The following BNC1 variants were observed in gnomAD, a reference collection of about 807,000 sequenced individuals.
BNC1 encodes the protein basonuclin zinc finger protein 1.
In BNC1, 8 loss-of-function variants were observed where a neutral mutation model predicts 66.5. That is an observed-to-expected ratio of 0.12 (90% CI 0.07 to 0.22). The LOEUF is 0.22. Among genes scored for constraint, BNC1 ranks in the 10% least tolerant of loss-of-function variants. The probability of loss-of-function intolerance (pLI) is 1.00; values close to 1 mark genes in which losing one functional copy is unlikely to be tolerated. For synonymous variants in BNC1, 454 were observed against 452.6 expected, an observed-to-expected ratio of 1.00 and a Z score of -0.04; for missense variants, 1,069 against 1,241.3, an observed-to-expected ratio of 0.86 and a Z score of 2.09.
chr15:83,278,086 G>C (rs576247740), intron 1 of BNC1, among the ~76,000 whole-genome samples: 3 of 152,272 alleles, frequency 2.0e-5, no homozygotes, highest in African/African-American at 7.2e-5. Context: ...AGGACAACCG[G>C]GAAGAAGAGA....
Position 83,257,761 on chromosome 15 carries a change from T to C in BNC1, c.2666A>G (p.Asp889Gly). 6.2e-7 allele frequency: 1 copy of C among 1,614,082 alleles called. No individual in the cohort carries two copies. The highest frequency in any genetic ancestry group is 8.5e-7 in the Non-Finnish European group (1 of 1,180,002). Residue 889 changes from aspartate (D) to glycine (G), a missense_variant, in exon 5 of 5, where the codon GAC becomes GGC. Physicochemically the swap from Asp to Gly is moderately conservative, Grantham distance 94 (BLOSUM62 -1). Transcript: ENST00000345382. ...VSEEGTVLMEDSDGNCEGSSL... is the reference protein window; with the variant it reads ...VSEEGTVLMEGSDGNCEGSSL... ...CGACCCTTCACAGTTCCCATCACTG[T>C]CCTCCATAAGCACAGTGCCTTCCTC...
chr15:83,259,778 C>G (rs1169260155), intron 4 of BNC1, among the ~76,000 whole-genome samples: 1 of 152,178 alleles, frequency 6.6e-6, no homozygotes, highest in Non-Finnish European at 1.5e-5. Context: ...TAATGGCTAA[C>G]TTGTGGGCTC....
In BNC1 at chr15:83,264,170, C is replaced by T; in HGVS notation, c.1081G>A (p.Ala361Thr). The change falls in exon 4 of 5, where the codon GCA (alanine) becomes ACA (threonine). Residue 361 changes from alanine (A) to threonine (T), a missense_variant. Ala to Thr is a moderately conservative substitution (Grantham distance 58). Around this residue, in one of 7 missense-constraint regions of BNC1, gnomAD observed 82 missense variants for 136.3 expected, o/e 0.60. Coordinates refer to ENST00000345382, the MANE Select transcript of BNC1 (RefSeq NM_001717.4). The stretch of plus-strand genomic sequence containing the variant: ...TTGTCATAGAAGGTCTTCTCACATG[C>T]AGTGCAGAACACCCGGCCCTTCTTT... The part of the protein sequence containing the change: ...GTKKGRVFCT[A>T]CEKTFYDKGT... 1 of 1,614,156 alleles carries T rather than the reference C, an allele frequency of 6.2e-7. No individual in the cohort carries two copies. The highest frequency in any genetic ancestry group is 1.1e-5 in the South Asian group (1 of 91,068).
rs755041144 is a variant in BNC1, at chr15:83,274,759, GAATT to G, written c.100-6531_100-6528del. ...AGATACTGTACTAATCAGTGTACAA[GAATT>G]ATTTCATTTCTTTCTCACAACTACC... is the stretch of plus-strand genomic sequence containing the variant. On this transcript the variant is annotated intron_variant, in intron 1 of 4. Transcript: ENST00000345382. 9.8e-5 allele frequency among the ~76,000 whole-genome samples: 15 copies of G among 152,292 alleles called. 1 individual carries two copies. The highest frequency in any genetic ancestry group is 9.6e-4 in the East Asian group (5 of 5,186).
In BNC1 at chr15:83,264,249, C is replaced by T; in HGVS notation, c.1002G>A (p.Arg334=). 1 of 1,614,152 alleles carries T rather than the reference C, an allele frequency of 6.2e-7. No homozygotes were observed. Among genetic ancestry groups the T allele is most frequent in the East Asian group, 2.2e-5 (1 of 44,874 alleles). ...SSYNIVTKFE[R]TQLSPEAKVK... is the part of the protein sequence containing the mutation. Reference sequence around the variant, plus strand: ...CTTTGGCCTCAGGGGATAACTGTGTCCTTTCAAACTTAGTGACAATGTTGT... The same window carrying T: ...CTTTGGCCTCAGGGGATAACTGTGTTCTTTCAAACTTAGTGACAATGTTGT... The change falls in exon 4 of 5, where the codon AGG becomes AGA. Residue 334 remains arginine, a synonymous_variant. Coordinates refer to ENST00000345382, the MANE Select transcript of BNC1 (RefSeq NM_001717.4).
chr15:83,279,104 AT>A (rs1230998535), intron 1 of BNC1, among the ~76,000 whole-genome samples: 3 of 152,194 alleles, frequency 2.0e-5, no homozygotes, highest in African/African-American at 7.2e-5. Context: ...GTTATTGTTA[AT>A]TTTTTAGGTG....
At chr15:83,274,185 C>A (rs1474554813) in intron 1 of BNC1, among the ~76,000 whole-genome samples, 1 of 152,104 alleles carries the variant, frequency 6.6e-6, no homozygotes, top group Admixed American at 6.5e-5. Flanking sequence ...GAGATTGAGA[C>A]CATCCTGGCT....
In BNC1 at chr15:83,276,602, G is replaced by C. The variant is rs745864469; in HGVS notation, c.99+7928C>G. Among the ~76,000 whole-genome samples, 122 of 152,266 alleles carry C rather than the reference G, an allele frequency of 8.0e-4. 1 individual carries two copies. Among genetic ancestry groups the C allele is most frequent in the Middle Eastern group, 3.4e-3 (1 of 294 alleles). On this transcript the variant is annotated intron_variant, in intron 1 of 4. Transcript: ENST00000345382. ...CCAATGGTATACAATACAAATTGTT[G>C]GGTGAAGTATTGTAGAAAACTCCTC...
chr15:83,264,302 T>C lies in BNC1; in HGVS notation c.949A>G (p.Ser317Gly), dbSNP rs185901046. Residue 317 changes from serine (S) to glycine (G), a missense_variant, in exon 4 of 5, where the codon AGC becomes GGC. By Grantham distance (56) the Ser-to-Gly change is moderately conservative (BLOSUM62 0). Transcript: ENST00000345382. ...CPDAITKKED[S>G]THLSDSSSYN... ...GAGCTGGAGTCACTTAAATGGGTGCTGTCTTCTTTTTTAGTAATAGCATCC... is the reference window on the plus strand; with the variant it reads ...GAGCTGGAGTCACTTAAATGGGTGCCGTCTTCTTTTTTAGTAATAGCATCC... 52 of 1,614,170 alleles carry C rather than the reference T, an allele frequency of 3.2e-5. No homozygotes were observed.
rs1474286301 is a variant in BNC1, at chr15:83,264,704, TGAG to T, written c.544_546del (p.Leu182del). ...TGCTCTTCTTTCTCTTGAATTGCCA[TGAG>T]TTCAACTATAGATTTGGTCTCTCCA... On this transcript the variant is annotated inframe_deletion, in exon 4 of 5. Coordinates refer to ENST00000345382, the MANE Select transcript of BNC1 (RefSeq NM_001717.4). The T allele has an allele frequency of 1.2e-6, 2 of 1,614,072 alleles. No individual in the cohort carries two copies. Among genetic ancestry groups the T allele is most frequent in the African/African-American group, 2.7e-5 (2 of 74,932 alleles).
chr15:83,268,935 C>CA (rs1209019953), intron 1 of BNC1, among the ~76,000 whole-genome samples: 1 of 152,170 alleles, frequency 6.6e-6, no homozygotes, highest in African/African-American at 2.4e-5. Flanking sequence ...GTATTAAAAA[C>CA]AAAGCTTTGT....
rs2038186396 is a variant in BNC1, at chr15:83,264,185, G to A, written c.1066C>T (p.Arg356Trp). Residue 356 changes from arginine to tryptophan, a missense_variant, in exon 4 of 5, where the codon CGG becomes TGG. By Grantham distance (101) the Arg-to-Trp change is moderately radical (BLOSUM62 -3). Coordinates refer to ENST00000345382, the MANE Select transcript of BNC1 (RefSeq NM_001717.4). ...TTCTCACATGCAGTGCAGAACACCC[G>A]GCCCTTCTTTGTACCAAGGCTATTC... ...ERNSLGTKKG[R>W]VFCTACEKTF... The A allele has an allele frequency of 2.5e-6, 4 of 1,614,170 alleles. No homozygotes were observed. The highest frequency in any genetic ancestry group is 2.2e-5 in the South Asian group (2 of 91,070).
intron 2 of BNC1, 122 bp downstream of exon 2, chr15:83,268,011 G>A (rs1327966825): frequency 7.9e-6 from 6 of 763,238 alleles, no homozygotes; most frequent in Non-Finnish European, 1.3e-5. Flanking sequence ...CCTGGGACAT[G>A]CTAGTAACTT....
chr15:83,284,629 C>G lies in BNC1; in HGVS notation c.-1G>C. 1 of 994,270 alleles carries G rather than the reference C, an allele frequency of 1.0e-6. No individual in the cohort carries two copies. The highest frequency in any genetic ancestry group is 1.2e-6 in the Non-Finnish European group (1 of 837,274). 61.6% of individuals were successfully genotyped at this position (994,270 alleles called of 1,614,324 possible). On this transcript the variant is annotated 5_prime_UTR_variant, in exon 1 of 5. Coordinates refer to ENST00000345382, the MANE Select transcript of BNC1 (RefSeq NM_001717.4). Reference sequence around the variant, plus strand: ...CCCGGCTCGGCGGGCGCCGCCGCATCCACGCTCCGGCCGTCGGGGCGCGAC... The same window carrying G: ...CCCGGCTCGGCGGGCGCCGCCGCATGCACGCTCCGGCCGTCGGGGCGCGAC...
chr15:83,258,165 G>C, intron 4 of BNC1, 39 bp from the exon 5 acceptor site: 1 of 1,540,892 alleles, frequency 6.5e-7, no homozygotes, highest in Non-Finnish European at 8.8e-7. Context: ...GGGTTGGGCT[G>C]TTTTAGAAAC....
chr15:83,266,837 T>C lies in BNC1; in HGVS notation c.434A>G (p.Gln145Arg). The C allele has an allele frequency of 6.2e-7, 1 of 1,612,732 alleles. No individual in the cohort carries two copies. Among genetic ancestry groups the C allele is most frequent in the Non-Finnish European group, 8.5e-7 (1 of 1,178,684 alleles). ...LQDYIRGYVL[Q>R]DASGKVLDHW... ...GGACAATGTTCATGTTTACTGTACC[T>C]GCAGTACGTATCCACGGATATAATC... Residue 145 changes from glutamine to arginine, a missense_variant and splice_region_variant, in exon 3 of 5, where the codon CAG becomes CGG. Transcript: ENST00000345382.
Position 83,268,317 on chromosome 15 carries a change from C to T in BNC1, c.100-85G>A. On this transcript the variant is annotated intron_variant, in intron 1 of 4. Coordinates refer to ENST00000345382, the MANE Select transcript of BNC1 (RefSeq NM_001717.4). ...GTATTTCAAACAAAACATATTCCTC[C>T]ATTCGGCAGCACTTATTGAGCAATA... is the stretch of plus-strand genomic sequence containing the variant. 7.4e-6 allele frequency: 9 copies of T among 1,215,776 alleles called. No individual in the cohort carries two copies. In the South Asian group the frequency reaches 9.0e-5, roughly 12 times the overall value. The allele number at this position is 1,215,776 out of a possible 1,614,324, so 75.3% of individuals were successfully genotyped here. A position where few individuals can be genotyped will look rare whatever the true frequency, so the allele number is the denominator to read the frequency against.
chr15:83,258,173 AAC>A lies in BNC1; in HGVS notation c.2301-49_2301-48del, dbSNP rs768553050. 4.6e-5 allele frequency: 70 copies of A among 1,525,270 alleles called. 1 individual carries two copies. The South Asian group carries it at 8.1e-4, about 18-fold the overall frequency. The allele number at this position is 1,525,270 out of a possible 1,614,324, so 94.5% of individuals were successfully genotyped here. On this transcript the variant is annotated intron_variant, in intron 4 of 4. Transcript: ENST00000345382. ...TAGTAATGGGTTGGGCTGTTTTAGA[AAC>A]AGTCATCATTCTGAGTGGAGAGACT...
Position 83,264,155 on chromosome 15 carries a change from A to C in BNC1, c.1096T>G (p.Phe366Val). 1 of 1,614,156 alleles carries C rather than the reference A, an allele frequency of 6.2e-7. No homozygotes were observed. ...RVFCTACEKT[F>V]YDKGTLKIHY... ...ATTTTGAGGGTGCCTTTGTCATAGA[A>C]GGTCTTCTCACATGCAGTGCAGAAC... Residue 366 changes from phenylalanine to valine, a missense_variant, in exon 4 of 5, where the codon TTC becomes GTC. Physicochemically the swap from Phe to Val is conservative, Grantham distance 50 (BLOSUM62 -1). Transcript: ENST00000345382.
Sources: allele counts gnomAD v4.1 joint callset (sites outside exome capture counted in the v4.1 genomes callset), GRCh38; gene constraint gnomAD v4.1.1; regional missense constraint gnomAD v4.1.1; transcripts MANE v1.5; gene names NCBI Gene and HGNC (gene_info 2026-07-23, HGNC 2026-07-21).